Variants in INPP4B observed in about 807,000 individuals in gnomAD.
INPP4B encodes inositol polyphosphate 4-phosphatase type II.
Under a neutral mutation model 122.5 loss-of-function variants are expected in INPP4B, and 55 were observed. That is an observed-to-expected ratio of 0.45 (90% CI 0.36 to 0.56). The LOEUF (loss-of-function observed/expected upper bound fraction) is 0.56, where lower values mean the gene tolerates loss of function less well. Ranked by LOEUF, INPP4B falls within the 20% of genes least tolerant of loss-of-function variation. The pLI, the probability that INPP4B is intolerant of heterozygous loss-of-function variation, is 0.00. For synonymous variants in INPP4B, 403 were observed against 388.7 expected, an observed-to-expected ratio of 1.04 and a Z score of -0.43; for missense variants, 1,000 against 1,097.7, an observed-to-expected ratio of 0.91 and a Z score of 1.26.
At chr4:142,323,501 A>G (rs756740070) in intron 7 of INPP4B, among the ~76,000 whole-genome samples, 20 of 140,922 alleles carry the variant, frequency 1.4e-4, no homozygotes, top group Non-Finnish European at 2.5e-4. Flanking sequence ...GCTGGAGTGC[A>G]GTGGCACGAT....
intron 1 of INPP4B, among the ~76,000 whole-genome samples, chr4:142,804,089 A>ATAAATAAAT (rs2151098146): frequency 7.1e-6 from 1 of 140,720 alleles, no homozygotes; most frequent in African/African-American, 2.7e-5. Flanking sequence ...AAATAAATAA[A>ATAAATAAAT]TAAATAAATA....
At chr4:142,658,718 A>G (rs907800916) in intron 2 of INPP4B, among the ~76,000 whole-genome samples, 3 of 152,220 alleles carry the variant, frequency 2.0e-5, no homozygotes, top group Admixed American at 2.0e-4. Context: ...CTTCCCTTTA[A>G]GTAGACGATC....
At chr4:142,724,353 A>C (rs181829463) in intron 2 of INPP4B, among the ~76,000 whole-genome samples, 8 of 152,152 alleles carry the variant, frequency 5.3e-5, no homozygotes, top group African/African-American at 1.9e-4. Flanking sequence ...TCTAAAGCAC[A>C]TGGATCCCTG....
intron 8 of INPP4B, among the ~76,000 whole-genome samples, chr4:142,307,004 A>G (rs978887617): frequency 6.6e-6 from 1 of 152,228 alleles, no homozygotes; most frequent in African/African-American, 2.4e-5. Context: ...GTTTAGACAC[A>G]AAGTCACCAA....
At chr4:142,753,063 A>T (rs892291621) in intron 1 of INPP4B, among the ~76,000 whole-genome samples, 1 of 152,122 alleles carries the variant, frequency 6.6e-6, no homozygotes, top group African/African-American at 2.4e-5. Flanking sequence ...AAGACACATG[A>T]TAAAGCCTTT....
intron 2 of INPP4B, among the ~76,000 whole-genome samples, chr4:142,556,863 T>C (rs1178516650): frequency 6.6e-6 from 1 of 152,158 alleles, no homozygotes; most frequent in Non-Finnish European, 1.5e-5. Context: ...TCTAAGCTGA[T>C]ACCTAGGAAA....
chr4:142,076,152 T>C (rs1255466172), intron 25 of INPP4B, among the ~76,000 whole-genome samples: 1 of 151,888 alleles, frequency 6.6e-6, no homozygotes, highest in Non-Finnish European at 1.5e-5. Flanking sequence ...CAAAAGAAAG[T>C]ATGGGAAAGA....
intron 17 of INPP4B, among the ~76,000 whole-genome samples, chr4:142,154,341 G>T (rs1386378181): frequency 2.6e-5 from 4 of 152,090 alleles, no homozygotes; most frequent in Admixed American, 1.3e-4. Context: ...ATTAAATAAA[G>T]TTGCCATCAC....
intron 7 of INPP4B, among the ~76,000 whole-genome samples, chr4:142,316,120 C>T (rs1406227825): frequency 1.3e-5 from 2 of 152,082 alleles, no homozygotes; most frequent in Admixed American, 6.6e-5. Context: ...TATGACAGAT[C>T]CAGCACTATC....
chr4:142,378,210 G>A (rs767429269), intron 7 of INPP4B, among the ~76,000 whole-genome samples: 19 of 152,206 alleles, frequency 1.2e-4, no homozygotes, highest in Middle Eastern at 3.4e-3. Flanking sequence ...GTAAGCAGCC[G>A]ATCTGAGACT....
At chr4:142,507,379 T>C (rs1824163519) in intron 2 of INPP4B, among the ~76,000 whole-genome samples, 1 of 152,270 alleles carries the variant, frequency 6.6e-6, no homozygotes. Flanking sequence ...CCAATGCCTC[T>C]GGTGGATAAA....
intron 2 of INPP4B, among the ~76,000 whole-genome samples, chr4:142,499,312 G>A (rs1301780728): frequency 6.6e-6 from 1 of 151,976 alleles, no homozygotes; most frequent in East Asian, 1.9e-4. Context: ...TGTAATTAAG[G>A]CCTCAATCAT....
intron 23 of INPP4B, among the ~76,000 whole-genome samples, chr4:142,092,364 C>T (rs1203952846): frequency 6.8e-6 from 1 of 147,960 alleles, no homozygotes; most frequent in Non-Finnish European, 1.5e-5. Flanking sequence ...GACCTCGGCT[C>T]ACTGCAACCT....
intron 2 of INPP4B, among the ~76,000 whole-genome samples, chr4:142,534,887 A>G (rs1828012337): frequency 6.6e-6 from 1 of 152,040 alleles, no homozygotes; most frequent in South Asian, 2.1e-4. Context: ...GAGTAAGTAA[A>G]ACATTTGTTT....
At chr4:142,574,787 T>C (rs1733503871) in intron 2 of INPP4B, among the ~76,000 whole-genome samples, 1 of 152,058 alleles carries the variant, frequency 6.6e-6, no homozygotes, top group Non-Finnish European at 1.5e-5. Context: ...CTAGCATACC[T>C]TTGTTTGTTT....
chr4:142,196,033 C>T (rs533929744), intron 14 of INPP4B, among the ~76,000 whole-genome samples: 5 of 151,972 alleles, frequency 3.3e-5, no homozygotes, highest in Non-Finnish European at 7.4e-5. Flanking sequence ...ATGAAGAAAC[C>T]GAGACATTTT....
chr4:142,101,750 T>C (rs1784566719), intron 23 of INPP4B, among the ~76,000 whole-genome samples: 1 of 152,186 alleles, frequency 6.6e-6, no homozygotes, highest in African/African-American at 2.4e-5. Flanking sequence ...AATATGATTC[T>C]GTATATCTTA....
rs1339402570 is a variant in INPP4B, at chr4:142,122,152, A to T, written c.2111T>A (p.Val704Glu). ...CCGTCTTCCTGTTATAACTGGCAAC[A>T]CATCATTGGATTTGGCTTCAATTAT... ...FKIIEAKSND[V>E]LPVITGRREH... Residue 704 changes from valine to glutamate, a missense_variant, in exon 21 of 26, where the codon GTG becomes GAG. Coordinates refer to ENST00000262992, the MANE Select transcript of INPP4B (RefSeq NM_001101669.3). The T allele has an allele frequency of 1.2e-6, 2 of 1,610,672 alleles. No homozygotes were observed. Among genetic ancestry groups the T allele is most frequent in the East Asian group, 2.2e-5 (1 of 44,668 alleles).
At chr4:142,375,480 A>C (rs7692106) in intron 7 of INPP4B, among the ~76,000 whole-genome samples, 3,072 of 151,992 alleles carry the variant, frequency 0.02, 122 homozygotes, top group African/African-American at 0.07. Flanking sequence ...TTGCTTAATA[A>C]AAAAGTCATT....
Sources: allele counts gnomAD v4.1 joint callset (sites outside exome capture counted in the v4.1 genomes callset), GRCh38; gene constraint gnomAD v4.1.1; transcripts MANE v1.5; gene names NCBI Gene and HGNC (gene_info 2026-07-23, HGNC 2026-07-21).